The following ENTREP3 variants were observed in gnomAD, a reference collection of about 807,000 sequenced individuals.
ENTREP3 encodes endosomal transmembrane epsin interactor 3, also known as protein ENTREP3.
the ENTREP3 span, chr1:155,248,060 C>A: frequency 3.1e-6 from 5 of 1,614,132 alleles, no homozygotes; most frequent in Non-Finnish European, 4.2e-6. Flanking sequence ...CTGCTTATGT[C>A]CATGAGCTCC....
At chr1:155,251,910 T>A in the ENTREP3 span, 1 of 1,426,172 alleles carries the variant, frequency 7.0e-7, no homozygotes, top group Non-Finnish European at 9.2e-7. Flanking sequence ...GGCCAGCTGC[T>A]GGGGAAGCGA....
the ENTREP3 span, chr1:155,252,698 A>ATG: frequency 3.0e-4 from 11 of 37,196 alleles, no homozygotes; most frequent in Non-Finnish European, 4.7e-4. Context: ...GTGTATATAT[A>ATG]TATATATATA....
chr1:155,250,346 C>G, the ENTREP3 span: 1 of 1,415,834 alleles, frequency 7.1e-7, no homozygotes, highest in Non-Finnish European at 9.4e-7. The surrounding 1 kb of genome is among the most constrained non-coding windows in gnomAD (Gnocchi z 5.4). Flanking sequence ...GTGGGGATGC[C>G]GGATGAGGAG....
At chr1:155,252,720 ATATTTTTTTTTT>A in the ENTREP3 span, 1 of 29,506 alleles carries the variant, frequency 3.4e-5, no homozygotes, top group Non-Finnish European at 5.5e-5. Flanking sequence ...ATATATATAT[ATATTTTTTTTTT>A]TTTTTTTTTT....
At chr1:155,254,600 G>C in the ENTREP3 span, 1 of 1,576,166 alleles carries the variant, frequency 6.3e-7, no homozygotes, top group Non-Finnish European at 8.7e-7. The surrounding 1 kb of genome is among the most constrained non-coding windows in gnomAD (Gnocchi z 4.4). Context: ...AGCTGGTGTG[G>C]AGGGTGGGGC....
the ENTREP3 span, chr1:155,254,107 G>C: frequency 3.1e-6 from 5 of 1,614,032 alleles, no homozygotes; most frequent in Admixed American, 1.7e-5. This position sits in a 1 kb window ranked among gnomAD's most constrained non-coding sequence, Gnocchi z 4.4. Flanking sequence ...TGGAAGTCTC[G>C]GGCCAGTTGA....
At chr1:155,253,627 T>C in the ENTREP3 span, 1 of 1,611,664 alleles carries the variant, frequency 6.2e-7, no homozygotes, top group Non-Finnish European at 8.5e-7. Flanking sequence ...CTTCTCACCG[T>C]ATGCACGAGG....
At chr1:155,248,283 G>A in the ENTREP3 span, 3,749 of 1,601,030 alleles carry the variant, frequency 2.3e-3, 69 homozygotes, top group African/African-American at 0.044. Flanking sequence ...AGGCGGAAGA[G>A]GCAGGCTTCA....
At chr1:155,251,703 C>G in the ENTREP3 span, 1 of 1,612,044 alleles carries the variant, frequency 6.2e-7, no homozygotes, top group Non-Finnish European at 8.5e-7. Flanking sequence ...CCTTCCTTAG[C>G]TCCCCCAGCA....
chr1:155,250,448 TC>T, the ENTREP3 span: 1 of 1,479,512 alleles, frequency 6.8e-7, no homozygotes, highest in Non-Finnish European at 8.9e-7. The surrounding 1 kb of genome is among the most constrained non-coding windows in gnomAD (Gnocchi z 5.4). Context: ...GGCGGCCCCC[TC>T]CCCGGGGGAC....
the ENTREP3 span, chr1:155,254,828 C>G: frequency 3.7e-6 from 6 of 1,601,968 alleles, no homozygotes; most frequent in Non-Finnish European, 5.1e-6. This position sits in a 1 kb window ranked among gnomAD's most constrained non-coding sequence, Gnocchi z 4.4. Flanking sequence ...GCCCCTGGTG[C>G]TGGGCCGGCT....
chr1:155,252,722 A>ATTTTTTTTTTTT, the ENTREP3 span: 1 of 13,204 alleles, frequency 7.6e-5, no homozygotes, highest in Non-Finnish European at 1.2e-4. Flanking sequence ...ATATATATAT[A>ATTTTTTTTTTTT]TTTTTTTTTT....
the ENTREP3 span, among the ~76,000 whole-genome samples, chr1:155,249,706 C>T: frequency 6.6e-6 from 1 of 152,024 alleles, no homozygotes; most frequent in South Asian, 2.1e-4. Context: ...GGTGAAACCC[C>T]ATCTCTACTA....
the ENTREP3 span, chr1:155,247,765 G>T: frequency 6.9e-7 from 1 of 1,458,654 alleles, no homozygotes; most frequent in Non-Finnish European, 9.1e-7. Context: ...TGTGTTCAGT[G>T]TGACAAGAAG....
the ENTREP3 span, chr1:155,247,634 C>A: frequency 1.3e-6 from 1 of 797,962 alleles, no homozygotes; most frequent in Non-Finnish European, 2.2e-6. Flanking sequence ...CAGCAAGAGA[C>A]CCCAGAGGTA....
At chr1:155,251,024 T>C in the ENTREP3 span, 1 of 1,458,608 alleles carries the variant, frequency 6.9e-7, no homozygotes, top group Non-Finnish European at 9.5e-7. Context: ...TTTCCCCTTC[T>C]ATTGTCTCTA....
the ENTREP3 span, chr1:155,250,250 C>A: frequency 6.5e-7 from 1 of 1,538,938 alleles, no homozygotes; most frequent in Non-Finnish European, 8.8e-7. This position sits in a 1 kb window ranked among gnomAD's most constrained non-coding sequence, Gnocchi z 5.4. Flanking sequence ...CTCTCCTGAG[C>A]CTGGGCAGTC....
At chr1:155,251,789 G>A in the ENTREP3 span, 34 of 1,594,242 alleles carry the variant, frequency 2.1e-5, no homozygotes, top group South Asian at 3.4e-4. Flanking sequence ...AGGGCGGTGG[G>A]GGCACAGGCG....
chr1:155,249,842 C>T, the ENTREP3 span, among the ~76,000 whole-genome samples: 71 of 147,254 alleles, frequency 4.8e-4, no homozygotes, highest in Admixed American at 3.2e-3. Flanking sequence ...GCCCAGATCG[C>T]GCGGCTGCAC....
Sources: gnomAD v4.1 joint callset for allele counts (sites outside exome capture counted in the v4.1 genomes callset) on GRCh38, gnomAD v4.1.1 for gene constraint, Gnocchi (gnomAD v3.1) non-coding constraint, MANE v1.5 for transcripts, NCBI Gene and HGNC (gene_info 2026-07-23, HGNC 2026-07-21) for gene names.